Variants in PRKN observed in about 807,000 individuals in gnomAD.
The protein encoded by PRKN is E3 ubiquitin-protein ligase parkin.
PRKN carries 56 observed loss-of-function variants against 59.5 expected under a neutral mutation model. The observed-to-expected ratio is 0.94, with a 90% CI of 0.76 to 1.18. The LOEUF is 1.18. Among genes scored for constraint, PRKN ranks in the 50% most tolerant of loss-of-function variants. The pLI, the probability that PRKN is intolerant of heterozygous loss-of-function variation, is 0.00. For synonymous variants in PRKN, 250 were observed against 222.1 expected (o/e 1.13, Z -1.12); for missense variants, 657 against 596.4 (o/e 1.10, Z -1.06).
chr6:162,188,174 A>C (rs1464620461), intron 4 of PRKN, among the ~76,000 whole-genome samples: 1 of 152,104 alleles, frequency 6.6e-6, no homozygotes, highest in Non-Finnish European at 1.5e-5. Flanking sequence ...GCCGTGTGGA[A>C]CTGTAAATCC....
At chr6:161,746,675 T>C (rs939614242) in intron 7 of PRKN, among the ~76,000 whole-genome samples, 1 of 146,854 alleles carries the variant, frequency 6.8e-6, no homozygotes, top group Non-Finnish European at 1.5e-5. Context: ...TGTATATCTA[T>C]AGATATATCT....
rs2128138316 is a variant in PRKN at position 161,582,279 on chromosome 6, T to C, written c.872-12863A>G. On this transcript the variant is annotated intron_variant, in intron 7 of 11. Transcript: ENST00000366898. The surrounding 1 kb of genome is among the most constrained non-coding windows in gnomAD (Gnocchi z 4.4). ...AACATTCCTATATGAGAACACCAAC[T>C]CTTGTTAAAACATTGAGATTACCTT... Among the ~76,000 whole-genome samples, 1 of 152,240 alleles carries C rather than the reference T, an allele frequency of 6.6e-6. No individual in the cohort carries two copies. Among genetic ancestry groups the C allele is most frequent in the South Asian group, 2.1e-4 (1 of 4,812 alleles).
chr6:161,527,573 C>A lies in PRKN; in HGVS notation c.1083+21281G>T, dbSNP rs1722117435. Among the ~76,000 whole-genome samples the A allele has an allele frequency of 6.6e-6, 1 of 152,180 alleles. No individual in the cohort carries two copies. Among genetic ancestry groups the A allele is most frequent in the Non-Finnish European group, 1.5e-5 (1 of 68,042 alleles). On this transcript the variant is annotated intron_variant, in intron 9 of 11. Transcript: ENST00000366898. This position sits in a 1 kb window ranked among gnomAD's most constrained non-coding sequence, Gnocchi z 4.6. ...TCTGCCTGAGGGGTGGAGTGAGGAA[C>A]ATCTGCCCATGGGTAGTAGCACCTT...
intron 1 of PRKN, among the ~76,000 whole-genome samples, chr6:162,557,538 G>C (rs1779658250): frequency 6.6e-6 from 1 of 152,112 alleles, no homozygotes; most frequent in African/African-American, 2.4e-5. Context: ...TTTTGAGATA[G>C]AGTCTTGCTC....
chr6:161,623,074 T>C (rs1336122804), intron 7 of PRKN, among the ~76,000 whole-genome samples: 5 of 152,194 alleles, frequency 3.3e-5, no homozygotes, highest in African/African-American at 1.2e-4. Flanking sequence ...AGCCTGTTTC[T>C]AAGAAAAAGA....
intron 6 of PRKN, among the ~76,000 whole-genome samples, chr6:161,824,579 A>G (rs1792164060): frequency 6.6e-6 from 1 of 152,182 alleles, no homozygotes; most frequent in Non-Finnish European, 1.5e-5. Flanking sequence ...AAACATCTCA[A>G]ACCAAAGAAA....
Position 162,725,790 on chromosome 6 carries a change from C to T in PRKN, c.7+1872G>A, listed in dbSNP as rs532527304. 4.7e-5 allele frequency among the ~76,000 whole-genome samples: 7 copies of T among 149,120 alleles called. No homozygotes were observed. The South Asian group carries it at 1.1e-3, about 23-fold the overall frequency. On this transcript the variant is annotated intron_variant, in intron 1 of 11. Transcript: ENST00000366898. The stretch of plus-strand genomic sequence containing the variant: ...AAAGAGGAAAAAAAAAAAAAAAAGA[C>T]GTGTGTCTAATTTCAGAATTAGGCA...
intron 1 of PRKN, among the ~76,000 whole-genome samples, chr6:162,608,309 G>A (rs1782003654): frequency 6.6e-6 from 1 of 152,160 alleles, no homozygotes; most frequent in East Asian, 1.9e-4. Flanking sequence ...GCGTAAGCTG[G>A]AGTATGTTCA....
At chr6:161,966,963 G>A (rs534498208) in intron 6 of PRKN, among the ~76,000 whole-genome samples, 2 of 152,122 alleles carry the variant, frequency 1.3e-5, no homozygotes, top group South Asian at 4.2e-4. Context: ...TCCCAAGTAG[G>A]TGGGACTACA....
rs540128934 is a variant in PRKN, at chr6:162,332,575, C to T, written c.172-69810G>A. ...CCCTTCATGAAAAATTGGAAAAAGG[C>T]ACCCTAATTCTACTTTATATCCATC... On this transcript the variant is annotated intron_variant, in intron 2 of 11. Transcript: ENST00000366898. Among the ~76,000 whole-genome samples, 8 of 152,280 alleles carry T rather than the reference C, an allele frequency of 5.3e-5. No individual in the cohort carries two copies. In the East Asian group the frequency reaches 7.7e-4, roughly 15 times the overall value.
intron 1 of PRKN, among the ~76,000 whole-genome samples, chr6:162,595,180 G>T: frequency 6.6e-6 from 1 of 152,038 alleles, no homozygotes; most frequent in Non-Finnish European, 1.5e-5. Flanking sequence ...TCTCAAAAAA[G>T]AAAATCACCT....
chr6:161,915,632 A>T (rs535476386), intron 6 of PRKN, among the ~76,000 whole-genome samples: 2 of 152,352 alleles, frequency 1.3e-5, no homozygotes, highest in South Asian at 2.1e-4. Context: ...GAACATTTTC[A>T]TTACCTACAT....
chr6:161,731,288 C>A (rs1039242642), intron 7 of PRKN, among the ~76,000 whole-genome samples: 2 of 152,230 alleles, frequency 1.3e-5, no homozygotes, highest in Non-Finnish European at 2.9e-5. Flanking sequence ...CAGAACCCAC[C>A]TGGTGGGTCA....
intron 2 of PRKN, among the ~76,000 whole-genome samples, chr6:162,412,129 G>A (rs1788382094): frequency 6.6e-6 from 1 of 151,882 alleles, no homozygotes; most frequent in Non-Finnish European, 1.5e-5. Context: ...CCTACTAAAA[G>A]TAACACCATA....
intron 5 of PRKN, 93 bp downstream of exon 5, chr6:162,053,998 G>T (rs2128285474): frequency 2.3e-6 from 2 of 872,082 alleles, no homozygotes; most frequent in South Asian, 2.6e-5. Context: ...TGGAAGAACA[G>T]TCAGTTGACA....
chr6:162,665,724 A>G (rs1372663321), intron 1 of PRKN, among the ~76,000 whole-genome samples: 1 of 152,148 alleles, frequency 6.6e-6, no homozygotes, highest in Non-Finnish European at 1.5e-5. Flanking sequence ...TATAGCCTAG[A>G]CAATCCTAAG....
chr6:161,814,258 G>A (rs1338165242), intron 6 of PRKN, among the ~76,000 whole-genome samples: 1 of 152,050 alleles, frequency 6.6e-6, no homozygotes, highest in African/African-American at 2.4e-5. Context: ...TAGTGACAAA[G>A]AATACACAAA....
rs368772255 is a variant in PRKN, at chr6:162,489,504, AAAAC to A, written c.8-46035_8-46032del. Among the ~76,000 whole-genome samples the A allele has an allele frequency of 4.8e-3, 724 of 152,348 alleles. 5 individuals carry two copies. The highest frequency in any genetic ancestry group is 0.02 in the South Asian group (98 of 4,816). ...TTGGACCAGTTTGTTTAAATTTAAC[AAAAC>A]AAAGTTCATCATGGCTGATGAATCA... On this transcript the variant is annotated intron_variant, in intron 1 of 11. Coordinates refer to ENST00000366898, the MANE Select transcript of PRKN (RefSeq NM_004562.3).
intron 2 of PRKN, among the ~76,000 whole-genome samples, chr6:162,376,500 T>C (rs988630624): frequency 6.6e-6 from 1 of 151,468 alleles, no homozygotes; most frequent in Admixed American, 6.6e-5. Flanking sequence ...TGTGCAAAGA[T>C]GACCCTACTC....
Sources: gnomAD v4.1 joint callset for allele counts (sites outside exome capture counted in the v4.1 genomes callset) on GRCh38, gnomAD v4.1.1 for gene constraint, Gnocchi (gnomAD v3.1) non-coding constraint, MANE v1.5 for transcripts, NCBI Gene and HGNC (gene_info 2026-07-23, HGNC 2026-07-21) for gene names.